PABPC4L: variants seen among roughly 807,000 people sequenced by gnomAD.
The protein encoded by PABPC4L is poly(A) binding protein cytoplasmic 4 like.
For missense variants in PABPC4L, 452 were observed against 451.4 expected (o/e 1.00, Z -0.01); for synonymous variants, 169 against 164.1 (o/e 1.03, Z -0.23).
Position 134,200,600 on chromosome 4 carries a change from T to G in PABPC4L, c.420A>C (p.Ala140=), listed in dbSNP as rs1729829634. Residue 140 remains alanine, a synonymous_variant, in exon 2 of 2, where the codon GCA becomes GCC. Transcript: ENST00000421491. ...MSDDQGSKGY[A]FVHFQNQSAA... ...CACTCTGGTTCTGAAAGTGCACAAA[T>G]GCATAGCCCTTGGAGCCTTGATCAT... 1.2e-5 allele frequency: 18 copies of G among 1,551,512 alleles called. No individual in the cohort carries two copies. The highest frequency in any genetic ancestry group is 1.6e-5 in the Non-Finnish European group (18 of 1,146,972).
chr4:134,079,697 G>A, the PABPC4L span, among the ~76,000 whole-genome samples: 1 of 147,362 alleles, frequency 6.8e-6, no homozygotes, highest in African/African-American at 2.5e-5. Flanking sequence ...CTGTGTGTGT[G>A]AGAGAGAGAG....
chr4:133,989,640 G>A, the PABPC4L span, among the ~76,000 whole-genome samples: 10 of 152,100 alleles, frequency 6.6e-5, no homozygotes, highest in South Asian at 6.2e-4. Flanking sequence ...ACTTTCCCAC[G>A]TTGTTCTGTC....
At chr4:134,046,442 T>C in the PABPC4L span, among the ~76,000 whole-genome samples, 1 of 152,152 alleles carries the variant, frequency 6.6e-6, no homozygotes, top group Non-Finnish European at 1.5e-5. Context: ...AGAAGGAATG[T>C]ACCATCTGGT....
chr4:134,117,516 C>T, the PABPC4L span, among the ~76,000 whole-genome samples: 6 of 151,766 alleles, frequency 4.0e-5, no homozygotes, highest in African/African-American at 1.2e-4. Flanking sequence ...GCCAGAACTG[C>T]TCAGACAAGC....
chr4:134,043,641 A>G, the PABPC4L span, among the ~76,000 whole-genome samples: 5 of 151,936 alleles, frequency 3.3e-5, no homozygotes, highest in Non-Finnish European at 5.9e-5. Flanking sequence ...AAAATACTGG[A>G]GCTCTAAAAC....
At chr4:134,185,475 C>G in the PABPC4L span, among the ~76,000 whole-genome samples, 4 of 151,996 alleles carry the variant, frequency 2.6e-5, no homozygotes, top group Non-Finnish European at 4.4e-5. Context: ...AGGCCTTCGA[C>G]AAAATTCAAC....
chr4:134,106,938 T>C, the PABPC4L span, among the ~76,000 whole-genome samples: 1 of 151,430 alleles, frequency 6.6e-6, no homozygotes, highest in African/African-American at 2.4e-5. Flanking sequence ...TACAGAGCAT[T>C]GGCAAAGATT....
chr4:134,174,364 A>G, the PABPC4L span, among the ~76,000 whole-genome samples: 5 of 152,138 alleles, frequency 3.3e-5, no homozygotes, highest in African/African-American at 1.2e-4. Flanking sequence ...AACCAGTAAC[A>G]TATTTATTAT....
chr4:134,031,130 T>A, the PABPC4L span, among the ~76,000 whole-genome samples: 124 of 152,098 alleles, frequency 8.2e-4, no homozygotes, highest in Non-Finnish European at 3.5e-4. Flanking sequence ...AACAAGAAGG[T>A]TTTTTTCCCA....
At chr4:134,095,913 A>G in the PABPC4L span, among the ~76,000 whole-genome samples, 2 of 152,006 alleles carry the variant, frequency 1.3e-5, no homozygotes, top group South Asian at 2.1e-4. Context: ...CACTCTGGCC[A>G]AAACAGCACT....
At chr4:134,073,145 CA>C in the PABPC4L span, among the ~76,000 whole-genome samples, 4 of 152,068 alleles carry the variant, frequency 2.6e-5, no homozygotes, top group Non-Finnish European at 5.9e-5. Flanking sequence ...TCCAAAGTCC[CA>C]TATAAGACAA....
the PABPC4L span, among the ~76,000 whole-genome samples, chr4:133,984,520 A>T: frequency 6.6e-6 from 1 of 151,946 alleles, no homozygotes; most frequent in Non-Finnish European, 1.5e-5. Flanking sequence ...TTAGTCATGT[A>T]GGTAGACTAG....
the PABPC4L span, among the ~76,000 whole-genome samples, chr4:134,015,792 C>T: frequency 6.6e-6 from 1 of 152,136 alleles, no homozygotes; most frequent in Non-Finnish European, 1.5e-5. Flanking sequence ...ACTGTTTTGC[C>T]TAGCCCTCAA....
chr4:133,988,707 A>G, the PABPC4L span, among the ~76,000 whole-genome samples: 1 of 152,138 alleles, frequency 6.6e-6, no homozygotes, highest in Non-Finnish European at 1.5e-5. Flanking sequence ...TGGGGTCTGG[A>G]GGATGGTGGC....
At chr4:134,183,977 T>C in the PABPC4L span, among the ~76,000 whole-genome samples, 1 of 151,692 alleles carries the variant, frequency 6.6e-6, no homozygotes, top group Non-Finnish European at 1.5e-5. Flanking sequence ...TTGTAGAACT[T>C]AACAAGTTGA....
chr4:134,183,782 T>G, the PABPC4L span, among the ~76,000 whole-genome samples: 2 of 151,326 alleles, frequency 1.3e-5, no homozygotes, highest in Admixed American at 6.6e-5. Flanking sequence ...CTATAAAATA[T>G]TGTTGAAAAA....
the PABPC4L span, among the ~76,000 whole-genome samples, chr4:134,001,318 C>T: frequency 6.6e-6 from 1 of 151,620 alleles, no homozygotes; most frequent in East Asian, 1.9e-4. Context: ...TGAACTGGAC[C>T]CATGGTAGCT....
the PABPC4L span, among the ~76,000 whole-genome samples, chr4:134,134,613 A>G: frequency 1.3e-5 from 2 of 151,228 alleles, no homozygotes; most frequent in Non-Finnish European, 3.0e-5. Flanking sequence ...TTTATACAAT[A>G]CAATCTATTT....
At chr4:134,037,646 A>G in the PABPC4L span, among the ~76,000 whole-genome samples, 1 of 152,188 alleles carries the variant, frequency 6.6e-6, no homozygotes. Flanking sequence ...AATGGTTAAT[A>G]AACATGTGAA....
Sources: gnomAD v4.1 joint callset for allele counts (sites outside exome capture counted in the v4.1 genomes callset) on GRCh38, gnomAD v4.1.1 for gene constraint, MANE v1.5 for transcripts, NCBI Gene and HGNC (gene_info 2026-07-23, HGNC 2026-07-21) for gene names.